ARL15: variants seen among roughly 807,000 people sequenced by gnomAD.
The protein encoded by ARL15 is ARF like GTPase 15, also known as ADP-ribosylation factor-like protein 15.
A neutral mutation model predicts 25.2 loss-of-function variants in ARL15; 19 were observed. That is an observed-to-expected ratio of 0.75 (90% CI 0.53 to 1.10). ARL15 has a LOEUF of 1.10. ARL15 is among the 50% of genes least tolerant of loss of function. The probability of loss-of-function intolerance (pLI) is 0.00; values close to 1 mark genes in which losing one functional copy is unlikely to be tolerated. For synonymous variants in ARL15, 94 were observed against 86.8 expected, an observed-to-expected ratio of 1.08 and a Z score of -0.46; for missense variants, 220 against 246.0, an observed-to-expected ratio of 0.89 and a Z score of 0.71.
chr5:53,948,503 C>T (rs765617605), intron 4 of ARL15, among the ~76,000 whole-genome samples: 1 of 152,104 alleles, frequency 6.6e-6, no homozygotes, highest in Non-Finnish European at 1.5e-5. Flanking sequence ...GATCCTACAC[C>T]CTATTCTTAT....
At chr5:54,170,006 C>A (rs1016436003) in intron 2 of ARL15, among the ~76,000 whole-genome samples, 1 of 152,162 alleles carries the variant, frequency 6.6e-6, no homozygotes, top group African/African-American at 2.4e-5. Context: ...TCAAAACCTG[C>A]ACTTTTTTAA....
At chr5:54,146,752 T>C (rs1045841313) in intron 3 of ARL15, among the ~76,000 whole-genome samples, 3 of 152,104 alleles carry the variant, frequency 2.0e-5, no homozygotes, top group African/African-American at 2.4e-5. Flanking sequence ...GAGATCCTCA[T>C]TGCCAGGGGG....
intron 4 of ARL15, among the ~76,000 whole-genome samples, chr5:53,931,246 C>T (rs977084259): frequency 3.9e-5 from 6 of 152,150 alleles, no homozygotes; most frequent in African/African-American, 1.2e-4. Context: ...CTGCTCCTAG[C>T]CCAACAGGCC....
intron 4 of ARL15, among the ~76,000 whole-genome samples, chr5:54,033,179 GGC>G: frequency 6.6e-6 from 1 of 151,876 alleles, no homozygotes; most frequent in East Asian, 1.9e-4. Flanking sequence ...TGGGCGTGGT[GGC>G]GCATGACTGT....
At chr5:54,120,248 C>T (rs939874967) in intron 3 of ARL15, among the ~76,000 whole-genome samples, 1 of 152,152 alleles carries the variant, frequency 6.6e-6, no homozygotes, top group African/African-American at 2.4e-5. Flanking sequence ...GTTTCTGGTA[C>T]ATACCCAGTT....
At chr5:54,208,335 T>A (rs1755929622) in intron 1 of ARL15, among the ~76,000 whole-genome samples, 1 of 151,976 alleles carries the variant, frequency 6.6e-6, no homozygotes, top group East Asian at 1.9e-4. Flanking sequence ...AGGAAAAAAT[T>A]TTTTAAACTT....
Position 54,044,875 on chromosome 5 carries a change from C to T in ARL15, c.462+68327G>A, listed in dbSNP as rs114729256. Among the ~76,000 whole-genome samples, 801 of 152,258 alleles carry T rather than the reference C, an allele frequency of 5.3e-3. 3 individuals are homozygous for T. The highest frequency in any genetic ancestry group is 0.012 in the Admixed American group (179 of 15,296). On this transcript the variant is annotated intron_variant, in intron 4 of 4. Coordinates refer to ENST00000504924, the MANE Select transcript of ARL15 (RefSeq NM_019087.3). ...AAAATTTTATTTTAAACTAGTTTAA[C>T]ATGTGTAAGGCAATTTTGGATTTAA...
chr5:54,027,699 A>G (rs1404351444), intron 4 of ARL15, among the ~76,000 whole-genome samples: 1 of 152,098 alleles, frequency 6.6e-6, no homozygotes, highest in Non-Finnish European at 1.5e-5. Context: ...GGCCATCTGC[A>G]GCACACGGGG....
chr5:54,294,463 A>G (rs891852199), intron 1 of ARL15, among the ~76,000 whole-genome samples: 2 of 152,220 alleles, frequency 1.3e-5, no homozygotes, highest in African/African-American at 2.4e-5. Context: ...TAAGCTCACA[A>G]TAAGTATTTG....
chr5:54,207,367 A>C (rs1350942518), intron 1 of ARL15, among the ~76,000 whole-genome samples: 2 of 152,200 alleles, frequency 1.3e-5, no homozygotes, highest in Non-Finnish European at 2.9e-5. Context: ...AGTTACAAGC[A>C]TCTAAACACA....
At chr5:53,931,560 T>C (rs111669180) in intron 4 of ARL15, among the ~76,000 whole-genome samples, 4,522 of 152,310 alleles carry the variant, frequency 0.03, 94 homozygotes, top group Middle Eastern at 0.044. Context: ...ATCTTCCTCC[T>C]AAAGGAAGCC....
chr5:54,017,994 A>AT (rs11359023), intron 4 of ARL15, among the ~76,000 whole-genome samples: 2 of 151,578 alleles, frequency 1.3e-5, no homozygotes, highest in East Asian at 1.9e-4. Flanking sequence ...AGGGGTAAAC[A>AT]TTTTTTTTTA....
intron 4 of ARL15, among the ~76,000 whole-genome samples, chr5:53,924,260 T>C (rs1434854884): frequency 6.6e-6 from 1 of 152,224 alleles, no homozygotes; most frequent in Admixed American, 6.5e-5. Context: ...TTTGGTGTTG[T>C]CTTTTACTTT....
chr5:53,925,874 G>A (rs997030056), intron 4 of ARL15, among the ~76,000 whole-genome samples: 2 of 151,838 alleles, frequency 1.3e-5, no homozygotes, highest in African/African-American at 2.4e-5. Context: ...TTTTCAAATC[G>A]TATCTTACAA....
At chr5:54,199,237 G>A (rs1168554222) in intron 1 of ARL15, among the ~76,000 whole-genome samples, 1 of 152,070 alleles carries the variant, frequency 6.6e-6, no homozygotes, top group Non-Finnish European at 1.5e-5. Context: ...ATAGGCATGG[G>A]CAAGGACTTC....
intron 1 of ARL15, among the ~76,000 whole-genome samples, chr5:54,307,411 G>T (rs1758783067): frequency 6.6e-6 from 1 of 152,046 alleles, no homozygotes; most frequent in Non-Finnish European, 1.5e-5. Flanking sequence ...ATTAATACAT[G>T]CCAGAAACCA....
In ARL15 at chr5:53,899,529, T is replaced by C. The variant is rs534367248; in HGVS notation, c.463-12816A>G. Among the ~76,000 whole-genome samples, 7 of 152,186 alleles carry C rather than the reference T, an allele frequency of 4.6e-5. No homozygotes were observed. The South Asian group carries it at 1.5e-3, about 32-fold the overall frequency. On this transcript the variant is annotated intron_variant, in intron 4 of 4. Coordinates refer to ENST00000504924, the MANE Select transcript of ARL15 (RefSeq NM_019087.3). The stretch of plus-strand genomic sequence containing the variant: ...TTTCTTCTGTCTGTTTTGGTTTAGT[T>C]TGCTCTTTTTTCTCCTACTTTCCTA...
At chr5:54,269,322 C>G (rs1446105754) in intron 1 of ARL15, among the ~76,000 whole-genome samples, 1 of 152,040 alleles carries the variant, frequency 6.6e-6, no homozygotes, top group African/African-American at 2.4e-5. Context: ...TTCCATATCC[C>G]CAGCAGAACT....
At chr5:53,964,362 A>AT (rs1319971918) in intron 4 of ARL15, among the ~76,000 whole-genome samples, 1 of 151,710 alleles carries the variant, frequency 6.6e-6, no homozygotes, top group Non-Finnish European at 1.5e-5. Context: ...ATTTTATTTT[A>AT]TTTATTTATT....
Sources: gnomAD v4.1 joint callset for allele counts (sites outside exome capture counted in the v4.1 genomes callset) on GRCh38, gnomAD v4.1.1 for gene constraint, MANE v1.5 for transcripts, NCBI Gene and HGNC (gene_info 2026-07-23, HGNC 2026-07-21) for gene names.